The following RAB31 variants were observed in gnomAD, a reference collection of about 807,000 sequenced individuals.
RAB31 encodes the protein ras-related protein Rab-31.
RAB31 carries 21 observed loss-of-function variants against 25.6 expected under a neutral mutation model. The ratio of observed to expected loss-of-function variants is 0.82; its 90% CI spans 0.58 to 1.18. The LOEUF (loss-of-function observed/expected upper bound fraction) is 1.18, where lower values mean the gene tolerates loss of function less well. RAB31 is among the 50% of genes most tolerant of loss of function. RAB31 has a pLI of 0.00. For synonymous variants in RAB31, 87 were observed against 84.0 expected (o/e 1.04, Z -0.20); for missense variants, 196 against 250.1 (o/e 0.78, Z 1.46).
chr18:9,784,150 C>T (rs188502821), intron 2 of RAB31, among the ~76,000 whole-genome samples: 113 of 152,268 alleles, frequency 7.4e-4, no homozygotes, highest in Non-Finnish European at 1.4e-3. Flanking sequence ...GATCCTCCTG[C>T]ATCAGCTTCC....
At chr18:9,801,806 A>T (rs1414519875) in intron 3 of RAB31, among the ~76,000 whole-genome samples, 1 of 152,204 alleles carries the variant, frequency 6.6e-6, no homozygotes, top group Non-Finnish European at 1.5e-5. Flanking sequence ...AGAGTTTTAT[A>T]GTCTTAGCTC....
chr18:9,827,211 T>C (rs2068654154), intron 5 of RAB31, among the ~76,000 whole-genome samples: 1 of 152,118 alleles, frequency 6.6e-6, no homozygotes, highest in Non-Finnish European at 1.5e-5. Flanking sequence ...AGGGGTCTCC[T>C]GTTGGCATTT....
chr18:9,850,379 C>T (rs1263593928), intron 6 of RAB31, among the ~76,000 whole-genome samples: 1 of 152,222 alleles, frequency 6.6e-6, no homozygotes, highest in African/African-American at 2.4e-5. Flanking sequence ...CCCGCCTTGG[C>T]TTCCCAAAGT....
chr18:9,851,503 G>A (rs761427923), intron 6 of RAB31, among the ~76,000 whole-genome samples: 4 of 152,188 alleles, frequency 2.6e-5, no homozygotes, highest in Non-Finnish European at 5.9e-5. Context: ...TTACAGATGA[G>A]GAAATTGAGG....
intron 6 of RAB31, 69 bp from the exon 7 acceptor site, chr18:9,859,159 G>T: frequency 3.7e-6 from 5 of 1,335,998 alleles, no homozygotes; most frequent in Non-Finnish European, 4.3e-6. Flanking sequence ...TTGAAGCAGG[G>T]TGAAAATCTG....
intron 3 of RAB31, among the ~76,000 whole-genome samples, chr18:9,808,394 G>T (rs1474446852): frequency 6.6e-6 from 1 of 152,124 alleles, no homozygotes; most frequent in Non-Finnish European, 1.5e-5. Context: ...TCCCAGTCCC[G>T]TTTCATTCAA....
chr18:9,851,779 G>A (rs2068790412), intron 6 of RAB31, among the ~76,000 whole-genome samples: 2 of 152,014 alleles, frequency 1.3e-5, no homozygotes. Flanking sequence ...GACATAAAAA[G>A]ATCAATCATT....
intron 5 of RAB31, among the ~76,000 whole-genome samples, chr18:9,828,828 G>A (rs1007875090): frequency 6.6e-6 from 1 of 152,112 alleles, no homozygotes; most frequent in African/African-American, 2.4e-5. Context: ...AACATCAAAA[G>A]GCCTGAAAAA....
intron 1 of RAB31, among the ~76,000 whole-genome samples, chr18:9,716,596 C>T (rs536149554): frequency 4.6e-5 from 7 of 152,090 alleles, no homozygotes; most frequent in African/African-American, 9.7e-5. Context: ...AGGATGGAGG[C>T]GTCTGCCTCT....
intron 3 of RAB31, among the ~76,000 whole-genome samples, chr18:9,812,687 C>CTGTTTTTTTTTTT (rs1248424618): frequency 9.9e-6 from 1 of 100,900 alleles, no homozygotes; most frequent in African/African-American, 3.7e-5. Context: ...CTCCAGGATA[C>CTGTTTTTTTTTTT]TATTTTTTTT....
rs1228435547 is a variant in RAB31, at chr18:9,860,168, A to G, written c.*843A>G. 1.3e-5 allele frequency: 2 copies of G among 152,238 alleles called. No individual in the cohort carries two copies. The highest frequency in any genetic ancestry group is 4.1e-4 in the South Asian group (2 of 4,834). 9.4% of individuals were successfully genotyped at this position (152,238 alleles called of 1,614,324 possible). ...TCTCTTAGAGAAGTTTAACGCACAT[A>G]GTATTATTTTACTAAGAGAATATCT... On this transcript the variant is annotated 3_prime_UTR_variant, in exon 7 of 7. Coordinates refer to ENST00000578921, the MANE Select transcript of RAB31 (RefSeq NM_006868.4).
chr18:9,829,046 A>G (rs1411225230), intron 5 of RAB31, among the ~76,000 whole-genome samples: 1 of 152,186 alleles, frequency 6.6e-6, no homozygotes. Context: ...GAGCCCATCA[A>G]AGGCATCTGG....
intron 3 of RAB31, among the ~76,000 whole-genome samples, chr18:9,803,699 A>T (rs925035001): frequency 6.6e-6 from 1 of 152,214 alleles, no homozygotes; most frequent in Non-Finnish European, 1.5e-5. Context: ...TAAGCACTTT[A>T]CAGCTGAAGA....
At chr18:9,716,909 A>AC in intron 1 of RAB31, among the ~76,000 whole-genome samples, 1 of 106,110 alleles carries the variant, frequency 9.4e-6, no homozygotes, top group Admixed American at 8.7e-5. Flanking sequence ...CACTTGGCTA[A>AC]TTTTCTTTCT....
intron 1 of RAB31, among the ~76,000 whole-genome samples, chr18:9,774,024 T>C (rs1175785793): frequency 6.6e-6 from 1 of 152,054 alleles, no homozygotes; most frequent in Non-Finnish European, 1.5e-5. Context: ...CATCCTGCTG[T>C]TTTGTGTGTG....
intron 1 of RAB31, among the ~76,000 whole-genome samples, chr18:9,746,128 A>G (rs1474767220): frequency 1.3e-5 from 2 of 152,256 alleles, no homozygotes; most frequent in East Asian, 1.9e-4. Context: ...CCAGCAGTGA[A>G]CAATTTGAAA....
chr18:9,745,044 A>G (rs1475786822), intron 1 of RAB31, among the ~76,000 whole-genome samples: 1 of 152,306 alleles, frequency 6.6e-6, no homozygotes, highest in Non-Finnish European at 1.5e-5. Flanking sequence ...GATCAACAAA[A>G]TCAACATACC....
intron 3 of RAB31, among the ~76,000 whole-genome samples, chr18:9,796,291 G>A (rs1441019691): frequency 6.6e-6 from 1 of 152,094 alleles, no homozygotes; most frequent in African/African-American, 2.4e-5. Context: ...CACTGCTTGG[G>A]TGATGGGTGC....
chr18:9,818,303 T>C (rs778662689), intron 5 of RAB31, among the ~76,000 whole-genome samples: 2 of 152,196 alleles, frequency 1.3e-5, no homozygotes, highest in Non-Finnish European at 2.9e-5. Flanking sequence ...TGTACAGTCA[T>C]CTCATATCTA....
Sources: gnomAD v4.1 joint callset for allele counts (sites outside exome capture counted in the v4.1 genomes callset) on GRCh38, gnomAD v4.1.1 for gene constraint, MANE v1.5 for transcripts, NCBI Gene and HGNC (gene_info 2026-07-23, HGNC 2026-07-21) for gene names.